Variants in SUPT3H observed in about 807,000 individuals in gnomAD.
SUPT3H encodes transcription initiation protein SPT3 homolog.
Under a neutral mutation model 44.3 loss-of-function variants are expected in SUPT3H, and 44 were observed. The ratio of observed to expected loss-of-function variants is 0.99; its 90% CI spans 0.78 to 1.28. The LOEUF is 1.28. Ranked by LOEUF, SUPT3H falls within the 50% of genes most tolerant of loss-of-function variation. SUPT3H has a pLI of 0.00. For synonymous variants in SUPT3H, 124 were observed against 125.6 expected (o/e 0.99, Z 0.09); for missense variants, 380 against 387.1 (o/e 0.98, Z 0.15).
chr6:45,161,284 CTT>C (rs1583925088), intron 2 of SUPT3H, among the ~76,000 whole-genome samples: 2 of 152,092 alleles, frequency 1.3e-5, no homozygotes, highest in African/African-American at 4.8e-5. Context: ...CTGATGAACT[CTT>C]GTGTCCAGAA....
chr6:44,822,068 T>G (rs1767365424), downstream of SUPT3H, among the ~76,000 whole-genome samples: 1 of 152,230 alleles, frequency 6.6e-6, no homozygotes, highest in South Asian at 2.1e-4. Flanking sequence ...ATTAATAAAA[T>G]AGAGTAGCAC....
At chr6:44,949,443 G>T (rs1233296914) in intron 9 of SUPT3H, among the ~76,000 whole-genome samples, 1 of 150,294 alleles carries the variant, frequency 6.7e-6, no homozygotes, top group Non-Finnish European at 1.5e-5. Context: ...TCAAAAAAAA[G>T]AAAAAAAAGA....
At chr6:45,187,101 T>TAAAAAA (rs70996308) in intron 2 of SUPT3H, among the ~76,000 whole-genome samples, 1 of 79,856 alleles carries the variant, frequency 1.3e-5, no homozygotes, top group African/African-American at 4.7e-5. Context: ...TTTTCGCCTT[T>TAAAAAA]AAAAAAAAAA....
intron 6 of SUPT3H, among the ~76,000 whole-genome samples, chr6:44,982,580 C>T (rs1779249314): frequency 6.6e-6 from 1 of 152,154 alleles, no homozygotes; most frequent in Non-Finnish European, 1.5e-5. Context: ...TGGTAAACAT[C>T]CAGATACTTC....
intron 2 of SUPT3H, among the ~76,000 whole-genome samples, chr6:45,130,685 A>G (rs1329816557): frequency 7.4e-6 from 1 of 134,742 alleles, no homozygotes; most frequent in South Asian, 2.3e-4. Context: ...AGACAAAGGT[A>G]AAAAAAAAAA....
chr6:45,262,316 A>G (rs372891914), intron 2 of SUPT3H, among the ~76,000 whole-genome samples: 1 of 151,920 alleles, frequency 6.6e-6, no homozygotes, highest in African/African-American at 2.4e-5. Context: ...AAACAGATAC[A>G]CAGACCAACA....
downstream of SUPT3H, among the ~76,000 whole-genome samples, chr6:44,825,460 T>G (rs1430451632): frequency 6.6e-6 from 1 of 152,160 alleles, no homozygotes; most frequent in Non-Finnish European, 1.5e-5. Context: ...GTAACAGTGG[T>G]TAACAGCATG....
downstream of SUPT3H, among the ~76,000 whole-genome samples, chr6:44,824,321 GAACT>G (rs1368332227): frequency 1.3e-5 from 2 of 152,178 alleles, no homozygotes; most frequent in African/African-American, 4.8e-5. Context: ...ATTGGCAGGT[GAACT>G]AACTCTTCCC....
chr6:45,127,171 G>T (rs764349887), intron 2 of SUPT3H, among the ~76,000 whole-genome samples: 1 of 152,066 alleles, frequency 6.6e-6, no homozygotes, highest in African/African-American at 2.4e-5. Flanking sequence ...AAAATTAGCT[G>T]GGTGCAGTGG....
intron 2 of SUPT3H, among the ~76,000 whole-genome samples, chr6:45,288,545 GTGTATATATATATATA>G: frequency 2.1e-5 from 1 of 48,552 alleles, no homozygotes; most frequent in Admixed American, 2.9e-4. Context: ...GTGTGTGTGT[GTGTATATATATATATA>G]TATGTATATA....
intron 5 of SUPT3H, among the ~76,000 whole-genome samples, chr6:45,012,190 T>C (rs1783586370): frequency 1.3e-5 from 2 of 151,908 alleles, no homozygotes. Context: ...CTTGAATTAG[T>C]AGACTGGTAG....
intron 10 of SUPT3H, among the ~76,000 whole-genome samples, chr6:44,878,658 T>C (rs983938641): frequency 6.6e-6 from 1 of 152,178 alleles, no homozygotes; most frequent in Admixed American, 6.5e-5. Context: ...GGAACCACTC[T>C]GGTCTACAGC....
chr6:44,919,339 A>G (rs775295292), intron 10 of SUPT3H, among the ~76,000 whole-genome samples: 1 of 152,220 alleles, frequency 6.6e-6, no homozygotes, highest in Non-Finnish European at 1.5e-5. Context: ...TCTTCTAAGA[A>G]TGCATGACCA....
At chr6:45,205,101 ATC>A (rs1462687447) in intron 2 of SUPT3H, among the ~76,000 whole-genome samples, 2 of 152,116 alleles carry the variant, frequency 1.3e-5, no homozygotes, top group Non-Finnish European at 2.9e-5. Context: ...CCAAATTCCC[ATC>A]TCTGACTTTT....
At chr6:44,953,816 C>T (rs985989695) in intron 8 of SUPT3H, among the ~76,000 whole-genome samples, 2 of 152,154 alleles carry the variant, frequency 1.3e-5, no homozygotes, top group South Asian at 2.1e-4. Flanking sequence ...ACTGCAACCT[C>T]GGCCTCCTAG....
At chr6:44,970,366 A>G (rs1777396472) in intron 6 of SUPT3H, among the ~76,000 whole-genome samples, 1 of 152,152 alleles carries the variant, frequency 6.6e-6, no homozygotes, top group Non-Finnish European at 1.5e-5. Context: ...GTGCCATACA[A>G]CCTAATTACC....
intron 9 of SUPT3H, among the ~76,000 whole-genome samples, chr6:44,951,746 G>A (rs1774351760): frequency 6.6e-6 from 1 of 152,056 alleles, no homozygotes; most frequent in East Asian, 1.9e-4. Context: ...AGAAAAGAGG[G>A]GAAATAAAGA....
intron 2 of SUPT3H, among the ~76,000 whole-genome samples, chr6:45,263,523 A>G (rs1024007510): frequency 2.6e-5 from 4 of 152,120 alleles, no homozygotes; most frequent in Non-Finnish European, 5.9e-5. Flanking sequence ...AAAACTACAT[A>G]TTGAGTACTA....
chr6:44,870,459 T>G (rs1776189292), intron 10 of SUPT3H, among the ~76,000 whole-genome samples: 1 of 151,500 alleles, frequency 6.6e-6, no homozygotes, highest in South Asian at 2.1e-4. Context: ...TAGCCAGGTG[T>G]GTGGTGGTGC....
Sources: gnomAD v4.1 joint callset for allele counts (sites outside exome capture counted in the v4.1 genomes callset) on GRCh38, gnomAD v4.1.1 for gene constraint, MANE v1.5 for transcripts, NCBI Gene and HGNC (gene_info 2026-07-23, HGNC 2026-07-21) for gene names.